HYDIN: variants seen among roughly 807,000 people sequenced by gnomAD.
HYDIN encodes axonemal central pair apparatus protein HYDIN.
A neutral mutation model predicts 403.9 loss-of-function variants in HYDIN; 132 were observed. The observed-to-expected ratio is 0.33, with a 90% CI of 0.28 to 0.38. The LOEUF is 0.38. Among genes scored for constraint, HYDIN ranks in the 10% least tolerant of loss-of-function variants. The probability of loss-of-function intolerance (pLI) is 1.00; values close to 1 mark genes in which losing one functional copy is unlikely to be tolerated. For synonymous variants in HYDIN, 1,202 were observed against 1,891.7 expected (o/e 0.64, Z 9.46); for missense variants, 2,827 against 5,009.5 (o/e 0.56, Z 13.15).
intron 38 of HYDIN, among the ~76,000 whole-genome samples, 171 bp from the exon 39 acceptor site, chr16:70,959,991 G>C (rs1219696496): frequency 6.6e-6 from 1 of 152,076 alleles, no homozygotes; most frequent in Non-Finnish European, 1.5e-5. Context: ...GGCCCTTTTG[G>C]GCTAATAATT....
intron 60 of HYDIN, among the ~76,000 whole-genome samples, chr16:70,880,690 TA>T (rs1328884455): frequency 2.6e-5 from 4 of 152,328 alleles, no homozygotes; most frequent in Non-Finnish European, 4.4e-5. Flanking sequence ...CACAGCACTT[TA>T]TCTGTTCCCA....
chr16:71,217,977 A>G (rs1336223310), intron 1 of HYDIN, among the ~76,000 whole-genome samples: 1 of 152,232 alleles, frequency 6.6e-6, no homozygotes, highest in East Asian at 1.9e-4. Context: ...GGATCAGTCA[A>G]TAAGGTGAGA....
chr16:70,812,018 G>T (rs1288270972), intron 84 of HYDIN, among the ~76,000 whole-genome samples: 35 of 95,698 alleles, frequency 3.7e-4, no homozygotes, highest in African/African-American at 1.4e-3. Flanking sequence ...AAGGATGAAA[G>T]AATACTAGTA....
intron 45 of HYDIN, among the ~76,000 whole-genome samples, chr16:70,933,218 T>A (rs972556482): frequency 1.5e-4 from 23 of 151,874 alleles, no homozygotes; most frequent in Admixed American, 1.4e-3. Flanking sequence ...TTGAGAACAA[T>A]TTAGGAGGGG....
At chr16:71,171,195 T>C (rs1280573640) in intron 5 of HYDIN, among the ~76,000 whole-genome samples, 1 of 152,202 alleles carries the variant, frequency 6.6e-6, no homozygotes, top group Non-Finnish European at 1.5e-5. Context: ...GCACTTGCTG[T>C]TCCCGCTCCT....
intron 60 of HYDIN, among the ~76,000 whole-genome samples, chr16:70,880,411 C>A (rs13353165): frequency 0.076 from 11,203 of 146,784 alleles, 472 homozygotes; most frequent in Middle Eastern, 0.15. Context: ...GAATCACATG[C>A]AAGATGAGAA....
chr16:71,230,237 G>A (rs773638032), intron 1 of HYDIN, among the ~76,000 whole-genome samples: 7 of 152,222 alleles, frequency 4.6e-5, no homozygotes, highest in Admixed American at 1.3e-4. Context: ...TAAAAGAGGT[G>A]AATTTTACCA....
At chr16:71,203,431 A>G (rs899265717) in intron 1 of HYDIN, among the ~76,000 whole-genome samples, 1 of 152,178 alleles carries the variant, frequency 6.6e-6, no homozygotes, top group Non-Finnish European at 1.5e-5. Flanking sequence ...GTTTATTAGG[A>G]AGATTTGCAA....
intron 6 of HYDIN, among the ~76,000 whole-genome samples, chr16:71,158,519 A>C (rs1369591289): frequency 3.3e-5 from 5 of 150,834 alleles, no homozygotes; most frequent in African/African-American, 7.4e-5. Context: ...GTTTTTTTCA[A>C]ATTCAGCCAA....
At chr16:71,158,214 T>C (rs1193426917) in intron 6 of HYDIN, among the ~76,000 whole-genome samples, 2 of 152,234 alleles carry the variant, frequency 1.3e-5, no homozygotes, top group Non-Finnish European at 2.9e-5. Flanking sequence ...TGATGTTAAC[T>C]TACTGGGGGA....
At chr16:70,959,168 T>C (rs890300436) in intron 39 of HYDIN, among the ~76,000 whole-genome samples, 1 of 151,566 alleles carries the variant, frequency 6.6e-6, no homozygotes, top group African/African-American at 2.4e-5. Context: ...TATCAAGGGC[T>C]CATCCCTTGA....
intron 39 of HYDIN, among the ~76,000 whole-genome samples, chr16:70,956,295 A>G (rs1230118889): frequency 6.6e-6 from 1 of 151,624 alleles, no homozygotes; most frequent in Non-Finnish European, 1.5e-5. Context: ...GATATAACAG[A>G]CAAGAGAAAA....
chr16:70,877,904 A>G (rs2040545549), intron 62 of HYDIN, among the ~76,000 whole-genome samples: 1 of 152,130 alleles, frequency 6.6e-6, no homozygotes, highest in Non-Finnish European at 1.5e-5. Context: ...CTCTATAGCC[A>G]GTAAAAACGA....
At chr16:71,050,659 G>A (rs1005759391) in intron 18 of HYDIN, among the ~76,000 whole-genome samples, 1 of 151,618 alleles carries the variant, frequency 6.6e-6, no homozygotes, top group African/African-American at 2.4e-5. Flanking sequence ...AGCCTCTTCA[G>A]GTTGGCTTCT....
intron 45 of HYDIN, among the ~76,000 whole-genome samples, chr16:70,932,642 T>A (rs2077379638): frequency 1.3e-5 from 2 of 152,232 alleles, no homozygotes; most frequent in South Asian, 2.1e-4. Context: ...TTTGTCTTAT[T>A]CAATTTTAAA....
At chr16:70,881,860 T>A (rs1054348160) in intron 60 of HYDIN, among the ~76,000 whole-genome samples, 7 of 152,204 alleles carry the variant, frequency 4.6e-5, no homozygotes, top group African/African-American at 1.7e-4. Context: ...GGCAGAGAAC[T>A]GAAGCAGCCT....
intron 65 of HYDIN, among the ~76,000 whole-genome samples, chr16:70,869,790 CT>C (rs1159462764): frequency 1.3e-5 from 2 of 151,770 alleles, no homozygotes; most frequent in African/African-American, 2.4e-5. Flanking sequence ...GTGGGCACTG[CT>C]GTAAAGATAC....
intron 18 of HYDIN, among the ~76,000 whole-genome samples, chr16:71,035,688 A>G (rs2081062411): frequency 6.6e-6 from 1 of 152,022 alleles, no homozygotes; most frequent in African/African-American, 2.4e-5. Flanking sequence ...CTGATGCTCA[A>G]TGGCTTTATA....
intron 8 of HYDIN, among the ~76,000 whole-genome samples, chr16:71,130,470 GTTTT>G (rs56853905): frequency 2.6e-5 from 2 of 75,822 alleles, no homozygotes; most frequent in African/African-American, 4.6e-5. Context: ...ATATATACCG[GTTTT>G]TTTTTTTTTT....
Sources: gnomAD v4.1 joint callset for allele counts (sites outside exome capture counted in the v4.1 genomes callset) on GRCh38, gnomAD v4.1.1 for gene constraint, MANE v1.5 for transcripts, NCBI Gene and HGNC (gene_info 2026-07-23, HGNC 2026-07-21) for gene names.